The following STK32B variants were observed in gnomAD, a reference collection of about 807,000 sequenced individuals.
STK32B encodes serine/threonine-protein kinase 32B.
In STK32B, 43 loss-of-function variants were observed where a neutral mutation model predicts 52.6. That is an observed-to-expected ratio of 0.82 (90% CI 0.64 to 1.05). STK32B has a LOEUF of 1.05. STK32B is among the 50% of genes least tolerant of loss of function. The probability of loss-of-function intolerance (pLI) is 0.00; values close to 1 mark genes in which losing one functional copy is unlikely to be tolerated. For synonymous variants in STK32B, 238 were observed against 204.3 expected (o/e 1.17, Z -1.41); for missense variants, 621 against 534.6 (o/e 1.16, Z -1.59).
At chr4:5,149,854 A>G (rs1262485325) in intron 2 of STK32B, among the ~76,000 whole-genome samples, 1 of 151,972 alleles carries the variant, frequency 6.6e-6, no homozygotes, top group Non-Finnish European at 1.5e-5. Context: ...TCTCTCTGGT[A>G]TCATTTCCAT....
At chr4:5,032,551 T>C in the STK32B span, among the ~76,000 whole-genome samples, 3 of 151,788 alleles carry the variant, frequency 2.0e-5, no homozygotes, top group African/African-American at 7.3e-5. Context: ...TTTTCCATCT[T>C]TCATGATTTC....
intron 6 of STK32B, among the ~76,000 whole-genome samples, chr4:5,438,927 T>G (rs75573427): frequency 0.093 from 14,082 of 151,632 alleles, 967 homozygotes; most frequent in East Asian, 0.4. Context: ...ACAAAGGACA[T>G]GAACTCATCA....
chr4:5,031,929 T>A, the STK32B span, among the ~76,000 whole-genome samples: 20 of 152,282 alleles, frequency 1.3e-4, no homozygotes, highest in African/African-American at 4.6e-4. Flanking sequence ...TATAGAGCAC[T>A]TAGAAAATTC....
At position 5,466,741 on chromosome 4, in the gene STK32B, A is replaced by G. The variant is rs770972076; in HGVS notation, c.948A>G (p.Glu316=). The stretch of plus-strand genomic sequence containing the variant: ...ACTGCGATCCCACATTTGAGCTTGA[A>G]GAGATGATTCTAGAATCCAAGCCAC... The part of the protein sequence containing the change: ...RLNCDPTFEL[E]EMILESKPLH... Residue 316 remains glutamate, a synonymous_variant, in exon 10 of 12, where the codon GAA becomes GAG. Coordinates refer to ENST00000282908, the MANE Select transcript of STK32B (RefSeq NM_018401.3). 1 of 1,614,016 alleles carries G rather than the reference A, an allele frequency of 6.2e-7. No individual in the cohort carries two copies. The highest frequency in any genetic ancestry group is 1.1e-5 in the South Asian group (1 of 91,044).
chr4:5,043,085 C>G, the STK32B span, among the ~76,000 whole-genome samples: 1 of 138,242 alleles, frequency 7.2e-6, no homozygotes, highest in Non-Finnish European at 1.5e-5. Context: ...CGCAGTCCGG[C>G]CTGGGCGACA....
intron 2 of STK32B, among the ~76,000 whole-genome samples, chr4:5,145,068 C>A (rs1002577629): frequency 6.6e-6 from 1 of 152,066 alleles, no homozygotes; most frequent in African/African-American, 2.4e-5. Flanking sequence ...GCTGTGATGC[C>A]CTTGCTGTCA....
intron 3 of STK32B, among the ~76,000 whole-genome samples, chr4:5,295,217 A>G (rs978447264): frequency 1.3e-5 from 2 of 149,862 alleles, no homozygotes; most frequent in East Asian, 2.0e-4. Context: ...TTCATCAGGG[A>G]TATTGGGTTG....
intron 4 of STK32B, among the ~76,000 whole-genome samples, chr4:5,373,098 CTG>C (rs778460259): frequency 2.6e-4 from 39 of 152,168 alleles, no homozygotes; most frequent in Non-Finnish European, 5.0e-4. Context: ...AGCTTTGAAA[CTG>C]TGATTTGGCC....
Position 5,443,423 on chromosome 4 carries a change from C to T in STK32B, c.563-3250C>T, listed in dbSNP as rs200780692. Among the ~76,000 whole-genome samples, 48 of 152,050 alleles carry T rather than the reference C, an allele frequency of 3.2e-4. No homozygotes were observed. The East Asian group carries it at 5.4e-3, about 17-fold the overall frequency. ...GCTCCTGAGGCTTCTGCATTCTTCA[C>T]GTAGTTCTCGAGCCTTGGTTTTCAG... is the stretch of plus-strand genomic sequence containing the variant. On this transcript the variant is annotated intron_variant, in intron 6 of 11. Coordinates refer to ENST00000282908, the MANE Select transcript of STK32B (RefSeq NM_018401.3).
rs562975959 is a variant in STK32B at position 5,144,360 on chromosome 4, A to G, written c.108+4400A>G. ...AGCACAGAATCCAACCTGATATTCA[A>G]TAAATGTTGATTCTTTTGTTGCTTA... On this transcript the variant is annotated intron_variant, in intron 2 of 11. Transcript: ENST00000282908. Among the ~76,000 whole-genome samples the G allele has an allele frequency of 3.5e-4, 53 of 152,316 alleles. No homozygotes were observed. In the South Asian group the frequency reaches 0.01, roughly 30 times the overall value.
intron 2 of STK32B, among the ~76,000 whole-genome samples, chr4:5,149,535 A>G (rs1717177110): frequency 6.6e-6 from 1 of 151,868 alleles, no homozygotes; most frequent in Admixed American, 6.6e-5. Flanking sequence ...ATTATACTAT[A>G]CATTCTTAAT....
intron 4 of STK32B, among the ~76,000 whole-genome samples, chr4:5,373,017 C>T (rs955358379): frequency 1.3e-5 from 2 of 151,900 alleles, no homozygotes; most frequent in South Asian, 2.1e-4. Context: ...AGTTGGGAGT[C>T]GTGATTGGAA....
At chr4:5,387,531 G>T (rs868102132) in intron 4 of STK32B, among the ~76,000 whole-genome samples, 3 of 152,148 alleles carry the variant, frequency 2.0e-5, no homozygotes, top group Non-Finnish European at 4.4e-5. Flanking sequence ...GAGAGGTGAC[G>T]GGTGCAGAGG....
chr4:5,434,432 ATGTGTGTG>A (rs544048239), intron 6 of STK32B, among the ~76,000 whole-genome samples: 1 of 145,708 alleles, frequency 6.9e-6, no homozygotes, highest in African/African-American at 2.6e-5. Context: ...GTGTGCATGT[ATGTGTGTG>A]TGTGTGTGTG....
chr4:5,296,127 CTGTT>C (rs1183123927), intron 3 of STK32B, among the ~76,000 whole-genome samples: 2 of 151,950 alleles, frequency 1.3e-5, no homozygotes, highest in Non-Finnish European at 2.9e-5. Context: ...TGGTGAGTGA[CTGTT>C]TGTTATGATT....
At chr4:5,272,528 T>C (rs1486024406) in intron 3 of STK32B, among the ~76,000 whole-genome samples, 1 of 150,992 alleles carries the variant, frequency 6.6e-6, no homozygotes, top group East Asian at 2.0e-4. Context: ...ATAAAATGAG[T>C]TAGGGAGGAT....
At chr4:5,148,770 G>A (rs568573008) in intron 2 of STK32B, among the ~76,000 whole-genome samples, 3 of 151,842 alleles carry the variant, frequency 2.0e-5, no homozygotes, top group Admixed American at 6.6e-5. Context: ...CAGAGCTTCC[G>A]TGTCATTGCC....
intron 4 of STK32B, among the ~76,000 whole-genome samples, chr4:5,392,329 G>A (rs989902895): frequency 1.3e-5 from 2 of 152,136 alleles, no homozygotes; most frequent in Admixed American, 1.3e-4. Context: ...GGGAAGCTGA[G>A]GCATGAGAAT....
At chr4:5,153,650 A>G (rs1333070299) in intron 2 of STK32B, among the ~76,000 whole-genome samples, 1 of 152,190 alleles carries the variant, frequency 6.6e-6, no homozygotes, top group Non-Finnish European at 1.5e-5. Flanking sequence ...AGGCAAAGAT[A>G]TGACTCTTGC....
Sources: allele counts gnomAD v4.1 joint callset (sites outside exome capture counted in the v4.1 genomes callset), GRCh38; gene constraint gnomAD v4.1.1; transcripts MANE v1.5; gene names NCBI Gene and HGNC (gene_info 2026-07-23, HGNC 2026-07-21).